The following SOCS5 variants were observed in gnomAD, a reference collection of about 807,000 sequenced individuals.
SOCS5 encodes CIS-6.
Under a neutral mutation model 42.8 loss-of-function variants are expected in SOCS5, and 32 were observed. The ratio of observed to expected loss-of-function variants is 0.75; its 90% CI spans 0.56 to 1.01. The LOEUF (loss-of-function observed/expected upper bound fraction) is 1.01. SOCS5 is among the 50% of genes least tolerant of loss of function. SOCS5 has a pLI of 0.00. For missense variants in SOCS5, 627 were observed against 653.0 expected (o/e 0.96, Z 0.43); for synonymous variants, 283 against 229.6 (o/e 1.23, Z -2.10).
chr2:46,708,015 T>C (rs540695635), intron 1 of SOCS5, among the ~76,000 whole-genome samples: 1 of 152,222 alleles, frequency 6.6e-6, no homozygotes, highest in African/African-American at 2.4e-5. Flanking sequence ...AAATGAAAAA[T>C]AGAATGGTTG....
chr2:46,720,466 C>G (rs929514237), intron 1 of SOCS5, among the ~76,000 whole-genome samples: 24 of 152,082 alleles, frequency 1.6e-4, no homozygotes, highest in African/African-American at 4.1e-4. Context: ...TACTTTGTGT[C>G]TATGGTAAGA....
chr2:46,745,070 C>T lies in SOCS5; in HGVS notation c.-12-13449C>T, dbSNP rs539534812. On this transcript the variant is annotated intron_variant, in intron 1 of 1. Coordinates refer to ENST00000394861, the MANE Select transcript of SOCS5 (RefSeq NM_144949.3). ...GGATTTTTACCCACTATGCTTCAAACAATTATGATGCAAACTGTTTAATAG... is the reference window on the plus strand; with the variant it reads ...GGATTTTTACCCACTATGCTTCAAATAATTATGATGCAAACTGTTTAATAG... Among the ~76,000 whole-genome samples, 11 of 152,092 alleles carry T rather than the reference C, an allele frequency of 7.2e-5. No individual in the cohort carries two copies. In the South Asian group the frequency reaches 2.3e-3, roughly 31 times the overall value.
intron 1 of SOCS5, among the ~76,000 whole-genome samples, chr2:46,725,913 G>A (rs1672980561): frequency 6.6e-6 from 1 of 151,848 alleles, no homozygotes. Context: ...TTAAAAATGT[G>A]CTGTTTCCTT....
chr2:46,759,860 C>G lies in SOCS5; in HGVS notation c.1330C>G (p.Pro444Ala), dbSNP rs774177709. The G allele has an allele frequency of 2.5e-6, 4 of 1,614,128 alleles. No individual in the cohort carries two copies. The highest frequency in any genetic ancestry group is 3.4e-6 in the Non-Finnish European group (4 of 1,180,032). Residue 444 changes from proline to alanine, a missense_variant, in exon 2 of 2, where the codon CCG becomes GCG. By Grantham distance (27) the Pro-to-Ala change is conservative (BLOSUM62 -1). Transcript: ENST00000394861. ...NHNFSFDAHD[P>A]CVFHSSTVTG... is the part of the protein sequence containing the mutation. The stretch of plus-strand genomic sequence containing the variant: ...CAACTTTAGTTTCGACGCCCATGAC[C>G]CGTGTGTATTTCACTCCTCCACTGT...
chr2:46,729,441 G>C (rs149961102), intron 1 of SOCS5, among the ~76,000 whole-genome samples: 1 of 152,076 alleles, frequency 6.6e-6, no homozygotes, highest in Non-Finnish European at 1.5e-5. Flanking sequence ...ATGGTATAGC[G>C]TACTATACAC....
chr2:46,704,510 A>G (rs1399562799), intron 1 of SOCS5, among the ~76,000 whole-genome samples: 1 of 152,140 alleles, frequency 6.6e-6, no homozygotes, highest in African/African-American at 2.4e-5. Context: ...AGGTAAACTG[A>G]ATTTTGTAGG....
chr2:46,742,113 A>C (rs558976796), intron 1 of SOCS5, among the ~76,000 whole-genome samples: 1 of 152,354 alleles, frequency 6.6e-6, no homozygotes, highest in African/African-American at 2.4e-5. Flanking sequence ...AATTTGTATC[A>C]CATTTTAATT....
chr2:46,752,074 A>G (rs1173306233), intron 1 of SOCS5, among the ~76,000 whole-genome samples: 4 of 152,184 alleles, frequency 2.6e-5, no homozygotes. Flanking sequence ...TACGGCCCAC[A>G]AAACCTAAAA....
rs186544869 is a variant in SOCS5 at position 46,732,442 on chromosome 2, G to C, written c.-12-26077G>C. ...GGAACAGCAGCTTGTGGAATAGCAT[G>C]CAGAAGGAAGCCTGGTGTCTCCAGA... On this transcript the variant is annotated intron_variant, in intron 1 of 1. Transcript: ENST00000394861. 2.7e-3 allele frequency among the ~76,000 whole-genome samples: 405 copies of C among 152,322 alleles called. 3 individuals are homozygous for C. The highest frequency in any genetic ancestry group is 3.2e-3 in the Non-Finnish European group (219 of 68,032).
chr2:46,717,086 G>C (rs1291373616), intron 1 of SOCS5, among the ~76,000 whole-genome samples: 1 of 152,210 alleles, frequency 6.6e-6, no homozygotes, highest in Non-Finnish European at 1.5e-5. Context: ...CATGTATGCA[G>C]ATTGGTATTT....
chr2:46,745,457 G>A (rs1673476500), intron 1 of SOCS5, among the ~76,000 whole-genome samples: 1 of 152,156 alleles, frequency 6.6e-6, no homozygotes. Flanking sequence ...TAGCTATGGA[G>A]TATGAGACTA....
chr2:46,732,513 A>C (rs1558406565), intron 1 of SOCS5, among the ~76,000 whole-genome samples: 1 of 152,250 alleles, frequency 6.6e-6, no homozygotes, highest in African/African-American at 2.4e-5. Context: ...AAACACTGTT[A>C]ATGAAACTTA....
intron 1 of SOCS5, among the ~76,000 whole-genome samples, chr2:46,721,361 C>T (rs544672991): frequency 1.1e-4 from 16 of 152,042 alleles, no homozygotes; most frequent in African/African-American, 3.9e-4. Flanking sequence ...TTTGTATGAC[C>T]CTTAGGGCAT....
chr2:46,706,709 A>G (rs1490274768), intron 1 of SOCS5, among the ~76,000 whole-genome samples: 2 of 152,240 alleles, frequency 1.3e-5, no homozygotes, highest in Non-Finnish European at 2.9e-5. Context: ...TAAAGTAGTA[A>G]TGTGAAAAAC....
intron 1 of SOCS5, among the ~76,000 whole-genome samples, chr2:46,728,942 C>T (rs1028552402): frequency 3.9e-5 from 6 of 152,186 alleles, no homozygotes; most frequent in African/African-American, 1.4e-4. Flanking sequence ...CTAGCATCGT[C>T]AGAATCAACC....
At chr2:46,752,070 C>T (rs1340142583) in intron 1 of SOCS5, among the ~76,000 whole-genome samples, 2 of 152,116 alleles carry the variant, frequency 1.3e-5, no homozygotes, top group Non-Finnish European at 2.9e-5. Context: ...ACTGTACGGC[C>T]CACAAAACCT....
chr2:46,728,103 C>T (rs1267673486), intron 1 of SOCS5, among the ~76,000 whole-genome samples: 1 of 152,186 alleles, frequency 6.6e-6, no homozygotes, highest in Non-Finnish European at 1.5e-5. Flanking sequence ...TGGAGGGCTT[C>T]TCCTGGATCT....
intron 1 of SOCS5, among the ~76,000 whole-genome samples, chr2:46,720,394 A>G (rs957261395): frequency 2.0e-5 from 3 of 152,202 alleles, no homozygotes; most frequent in African/African-American, 7.2e-5. Flanking sequence ...TAAAACTTTA[A>G]TAACAAACTG....
chr2:46,755,003 C>T (rs1014107144), intron 1 of SOCS5, among the ~76,000 whole-genome samples: 8 of 152,110 alleles, frequency 5.3e-5, no homozygotes, highest in Non-Finnish European at 8.8e-5. Context: ...GAATTTGATA[C>T]AGAAATACTT....
Sources: gnomAD v4.1 joint callset for allele counts (sites outside exome capture counted in the v4.1 genomes callset) on GRCh38, gnomAD v4.1.1 for gene constraint, MANE v1.5 for transcripts, NCBI Gene and HGNC (gene_info 2026-07-23, HGNC 2026-07-21) for gene names.